Variants in KCNQ5 observed in about 807,000 individuals in gnomAD.
KCNQ5 encodes the protein potassium voltage-gated channel subfamily Q member 5.
Under a neutral mutation model 98.2 loss-of-function variants are expected in KCNQ5, and 30 were observed. The observed-to-expected ratio is 0.31, with a 90% CI of 0.23 to 0.41. KCNQ5 has a LOEUF of 0.41. KCNQ5 is among the 10% of genes least tolerant of loss of function. The pLI is 1.00. For synonymous variants in KCNQ5, 458 were observed against 449.4 expected (o/e 1.02, Z -0.24); for missense variants, 835 against 1,182.5 (o/e 0.71, Z 4.31).
chr6:72,897,695 C>G (rs1779306371), intron 1 of KCNQ5, among the ~76,000 whole-genome samples: 2 of 151,954 alleles, frequency 1.3e-5, no homozygotes, highest in South Asian at 4.2e-4. Context: ...AAAGAAAAGG[C>G]AAAAAGGAGG....
At chr6:73,082,887 CTTTTT>C (rs66921503) in intron 5 of KCNQ5, among the ~76,000 whole-genome samples, 5 of 72,934 alleles carry the variant, frequency 6.9e-5, no homozygotes, top group East Asian at 7.9e-4. Context: ...ATTACCAAAC[CTTTTT>C]TTTTTTTTTT....
At chr6:72,805,017 AT>A (rs1183807922) in intron 1 of KCNQ5, among the ~76,000 whole-genome samples, 1 of 151,896 alleles carries the variant, frequency 6.6e-6, no homozygotes, top group South Asian at 2.1e-4. Context: ...AGATTATTGG[AT>A]TTTTTTCTGT....
intron 1 of KCNQ5, among the ~76,000 whole-genome samples, chr6:72,811,404 A>C (rs1775234844): frequency 6.6e-6 from 1 of 152,170 alleles, no homozygotes; most frequent in African/African-American, 2.4e-5. Flanking sequence ...GTCATCTGCT[A>C]CCCAAGTTCT....
At chr6:73,145,693 C>T (rs968287788) in intron 10 of KCNQ5, among the ~76,000 whole-genome samples, 20 of 152,160 alleles carry the variant, frequency 1.3e-4, no homozygotes, top group African/African-American at 4.6e-4. Context: ...ACTATTACTG[C>T]TAGCTGAATA....
Position 72,857,197 on chromosome 6 carries a change from C to G in KCNQ5, c.399-146711C>G, listed in dbSNP as rs549937160. Among the ~76,000 whole-genome samples, 91 of 152,202 alleles carry G rather than the reference C, an allele frequency of 6.0e-4. 1 individual carries two copies. The highest frequency in any genetic ancestry group is 2.1e-3 in the African/African-American group (87 of 41,548). On this transcript the variant is annotated intron_variant, in intron 1 of 13. Coordinates refer to ENST00000370398, the MANE Select transcript of KCNQ5 (RefSeq NM_019842.4). ...CAAACTATTCTTAATAAACTTTTTT[C>G]AAAGAAATAAAGCACTTATTCTCTA...
intron 1 of KCNQ5, among the ~76,000 whole-genome samples, chr6:72,808,169 G>A (rs1220282976): frequency 2.0e-5 from 3 of 152,174 alleles, no homozygotes; most frequent in African/African-American, 4.8e-5. Context: ...AAAGGAAATG[G>A]AGAGAAGCGG....
At chr6:72,965,765 C>T (rs1474499476) in intron 1 of KCNQ5, among the ~76,000 whole-genome samples, 3 of 152,142 alleles carry the variant, frequency 2.0e-5, no homozygotes, top group Admixed American at 6.5e-5. Context: ...AGGAAATGCT[C>T]ATTACTGGGT....
At chr6:73,098,922 A>G (rs2150412778) in intron 5 of KCNQ5, among the ~76,000 whole-genome samples, 1 of 152,324 alleles carries the variant, frequency 6.6e-6, no homozygotes, top group East Asian at 1.9e-4. Flanking sequence ...GAACTTATCA[A>G]AAATAACTAC....
intron 1 of KCNQ5, among the ~76,000 whole-genome samples, chr6:73,001,625 A>C (rs965477250): frequency 1.8e-4 from 27 of 152,152 alleles, no homozygotes; most frequent in Non-Finnish European, 1.5e-4. Context: ...AAGGGAGGGA[A>C]TATCCAGATA....
At chr6:72,797,796 G>GA (rs1160395009) in intron 1 of KCNQ5, among the ~76,000 whole-genome samples, 9 of 151,870 alleles carry the variant, frequency 5.9e-5, no homozygotes, top group African/African-American at 2.4e-5. Flanking sequence ...TTTTGAGCAG[G>GA]AAAAAATCAA....
At chr6:73,021,456 C>G (rs1582204593) in intron 2 of KCNQ5, among the ~76,000 whole-genome samples, 2 of 152,206 alleles carry the variant, frequency 1.3e-5, no homozygotes, top group East Asian at 3.9e-4. Context: ...GAATTTATAA[C>G]TATTTGATGT....
chr6:73,043,664 C>T (rs1400597670), intron 3 of KCNQ5, among the ~76,000 whole-genome samples: 1 of 152,310 alleles, frequency 6.6e-6, no homozygotes, highest in African/African-American at 2.4e-5. Flanking sequence ...ATTCACTCAA[C>T]TTCTACAGGA....
At chr6:72,713,676 A>T (rs1429286464) in intron 1 of KCNQ5, among the ~76,000 whole-genome samples, 1 of 152,170 alleles carries the variant, frequency 6.6e-6, no homozygotes, top group East Asian at 1.9e-4. Context: ...CCTTTTATGC[A>T]TCTATTCTAG....
At chr6:72,909,716 C>T (rs1285023525) in intron 1 of KCNQ5, among the ~76,000 whole-genome samples, 2 of 152,172 alleles carry the variant, frequency 1.3e-5, no homozygotes. Context: ...TTGGAGGTTT[C>T]TTAGCTTCCT....
intron 11 of KCNQ5, among the ~76,000 whole-genome samples, chr6:73,174,159 T>C (rs1778122495): frequency 6.6e-6 from 1 of 152,134 alleles, no homozygotes; most frequent in South Asian, 2.1e-4. Context: ...TAAAAGTTTC[T>C]AAGCACTAAT....
At chr6:72,727,713 A>C (rs995369285) in intron 1 of KCNQ5, among the ~76,000 whole-genome samples, 1 of 152,182 alleles carries the variant, frequency 6.6e-6, no homozygotes, top group Non-Finnish European at 1.5e-5. Context: ...GTATTCAGGA[A>C]GTATTTATTT....
At chr6:73,035,515 G>T (rs983857236) in intron 2 of KCNQ5, among the ~76,000 whole-genome samples, 4 of 152,184 alleles carry the variant, frequency 2.6e-5, no homozygotes, top group Non-Finnish European at 4.4e-5. Context: ...TTATCCTGAG[G>T]TACAGCAGCA....
At chr6:72,734,042 AG>A (rs1382661863) in intron 1 of KCNQ5, among the ~76,000 whole-genome samples, 2 of 152,202 alleles carry the variant, frequency 1.3e-5, no homozygotes, top group Non-Finnish European at 2.9e-5. Context: ...TGGGCAATAA[AG>A]TGGCTACATT....
chr6:72,957,100 T>G (rs1767115662), intron 1 of KCNQ5, among the ~76,000 whole-genome samples: 2 of 151,258 alleles, frequency 1.3e-5, no homozygotes, highest in South Asian at 4.2e-4. Context: ...CTGGGTTTTC[T>G]AAGCTTCATA....
Sources: allele counts gnomAD v4.1 joint callset (sites outside exome capture counted in the v4.1 genomes callset), GRCh38; gene constraint gnomAD v4.1.1; transcripts MANE v1.5; gene names NCBI Gene and HGNC (gene_info 2026-07-23, HGNC 2026-07-21).